Variants in NEXMIF observed in about 807,000 individuals in gnomAD.
NEXMIF encodes the protein neurite extension and migration factor.
A neutral mutation model predicts 62.1 loss-of-function variants in NEXMIF; 8 were observed. The ratio of observed to expected loss-of-function variants is 0.13; its 90% CI spans 0.08 to 0.23. The LOEUF (loss-of-function observed/expected upper bound fraction) is 0.23, where lower values mean the gene tolerates loss of function less well. NEXMIF is among the 10% of genes least tolerant of loss of function. NEXMIF has a pLI of 1.00. For synonymous variants in NEXMIF, 404 were observed against 416.6 expected (o/e 0.97, Z 0.37); for missense variants, 976 against 1,113.3 (o/e 0.88, Z 1.75).
At chrX:74,878,328 A>T (rs903710541) in intron 1 of NEXMIF, among the ~76,000 whole-genome samples, 2 of 112,042 alleles carry the variant, frequency 1.8e-5, no homozygotes, top group African/African-American at 6.5e-5. Flanking sequence ...GACCCACTTG[A>T]GGAGGCAGTC....
At chrX:74,894,985 A>G (rs1430170214) in intron 1 of NEXMIF, among the ~76,000 whole-genome samples, 2 of 112,268 alleles carry the variant, frequency 1.8e-5, no homozygotes, top group African/African-American at 6.5e-5. Flanking sequence ...GAGCAATCAG[A>G]CAAGAGAAAG....
At chrX:74,765,631 C>A (rs1318773667) in intron 1 of NEXMIF, among the ~76,000 whole-genome samples, 1 of 110,755 alleles carries the variant, frequency 9.0e-6, no homozygotes. Context: ...TTGTAATAAA[C>A]TTCCTCTGCA....
chrX:74,874,667 C>G (rs377492565), intron 1 of NEXMIF, among the ~76,000 whole-genome samples: 1 of 90,644 alleles, frequency 1.1e-5, no homozygotes, highest in Non-Finnish European at 2.1e-5. Flanking sequence ...CTTTTATTTC[C>G]TTGAGCAGTG....
chrX:74,796,181 A>AT, intron 1 of NEXMIF, among the ~76,000 whole-genome samples: 1 of 72,396 alleles, frequency 1.4e-5, no homozygotes, highest in South Asian at 5.4e-4. Context: ...TTATATATAT[A>AT]CATATATATT....
At chrX:74,888,443 C>T (rs893169096) in intron 1 of NEXMIF, among the ~76,000 whole-genome samples, 2 of 109,299 alleles carry the variant, frequency 1.8e-5, no homozygotes, top group African/African-American at 3.3e-5. Context: ...AACACAGGAA[C>T]AGAAAACCAA....
Position 74,735,665 on chromosome X carries a change from C to G in NEXMIF, c.*3740G>C, listed in dbSNP as rs1487971600. 8.9e-6 allele frequency: 1 copy of G among 112,098 alleles called. No homozygotes were observed. 9.2% of individuals were successfully genotyped at this position (112,098 alleles called of 1,213,427 possible). A position where few individuals can be genotyped will look rare whatever the true frequency, so the allele number is the denominator to read the frequency against. On this transcript the variant is annotated 3_prime_UTR_variant, in exon 4 of 4. Coordinates refer to ENST00000055682, the MANE Select transcript of NEXMIF (RefSeq NM_001008537.3). Reference sequence around the variant, plus strand: ...ACAAAAGCCCAGCTAGCACCAAGGACTTCAGTGAGATGGCTGAAGAAGTGA... The same window carrying G: ...ACAAAAGCCCAGCTAGCACCAAGGAGTTCAGTGAGATGGCTGAAGAAGTGA...
At chrX:74,862,352 G>A (rs764261576) in intron 1 of NEXMIF, among the ~76,000 whole-genome samples, 1 of 109,879 alleles carries the variant, frequency 9.1e-6, no homozygotes, top group African/African-American at 3.3e-5. Flanking sequence ...AGTTCTTAGA[G>A]ACCTACAAAG....
intron 1 of NEXMIF, among the ~76,000 whole-genome samples, chrX:74,846,879 G>A (rs1198499499): frequency 8.9e-6 from 1 of 112,197 alleles, no homozygotes; most frequent in Non-Finnish European, 1.9e-5. Flanking sequence ...CCTCAGAACT[G>A]TTGGAGGCAA....
intron 1 of NEXMIF, among the ~76,000 whole-genome samples, chrX:74,919,833 T>A (rs1182965100): frequency 9.0e-6 from 1 of 110,635 alleles, no homozygotes; most frequent in Non-Finnish European, 1.9e-5. Context: ...TGTCCATGTG[T>A]TCTCATTGTT....
chrX:74,739,492 G>T lies in NEXMIF; in HGVS notation c.4464C>A (p.Ser1488=), dbSNP rs189355247. ...TTTCTGCTTTTAGGAGATTGTAGTC[G>T]GAATCCCTGCAGAAAAATCAAACAA... ...GTASFEKLRD[S]DYNLLKAETT... is the part of the protein sequence containing the mutation. Residue 1488 remains serine (S), a synonymous_variant, in exon 4 of 4, where the codon TCC becomes TCA. Coordinates refer to ENST00000055682, the MANE Select transcript of NEXMIF (RefSeq NM_001008537.3). The T allele has an allele frequency of 1.9e-5, 23 of 1,181,424 alleles. No individual in the cohort carries two copies. The East Asian group carries it at 5.7e-4, about 29-fold the overall frequency.
intron 1 of NEXMIF, among the ~76,000 whole-genome samples, chrX:74,820,285 T>G (rs771363201): frequency 9.1e-6 from 1 of 109,907 alleles, no homozygotes; most frequent in Non-Finnish European, 1.9e-5. Context: ...TGTATACCTA[T>G]GTATCAAACC....
intron 1 of NEXMIF, among the ~76,000 whole-genome samples, chrX:74,852,338 A>C (rs1477665233): frequency 1.8e-5 from 2 of 111,835 alleles, no homozygotes. Flanking sequence ...TTTAGATCTA[A>C]AGGGAGAGAT....
intron 1 of NEXMIF, among the ~76,000 whole-genome samples, chrX:74,789,585 C>T (rs1300873898): frequency 9.2e-4 from 102 of 111,169 alleles, no homozygotes; most frequent in Non-Finnish European, 1.3e-3. Context: ...GTTTACAGTC[C>T]CACCAACAGT....
At chrX:74,796,113 T>TTATATATATATTTATATATAATA (rs1326375842) in intron 1 of NEXMIF, among the ~76,000 whole-genome samples, 15 of 80,279 alleles carry the variant, frequency 1.9e-4, no homozygotes, top group African/African-American at 6.6e-4. Flanking sequence ...TTTATATATA[T>TTATATATATATTTATATATAATA]TATATATATA....
intron 1 of NEXMIF, among the ~76,000 whole-genome samples, chrX:74,914,901 T>C (rs1460329429): frequency 8.9e-6 from 1 of 111,982 alleles, no homozygotes; most frequent in East Asian, 2.8e-4. Context: ...GGAATAGATC[T>C]CAGGGCATTA....
rs779349188 is a variant in NEXMIF at position 74,742,339 on chromosome X, T to A, written c.2218A>T (p.Ser740Cys). ...SKKVKAAGQE[S>C]KPIVQMSPLL... ...GGGCTCATTTGAACAATTGGCTTGC[T>A]TTCTTGCCCAGCAGCTTTGACTTTC... is the stretch of plus-strand genomic sequence containing the variant. Residue 740 changes from serine to cysteine, a missense_variant, in exon 3 of 4, where the codon AGC (serine) becomes TGC (cysteine). Physicochemically the swap from Ser to Cys is moderately radical, Grantham distance 112. Transcript: ENST00000055682. The A allele has an allele frequency of 8.3e-7, 1 of 1,209,753 alleles. No homozygotes were observed. The highest frequency in any genetic ancestry group is 2.2e-5 in the Admixed American group (1 of 45,750).
intron 1 of NEXMIF, among the ~76,000 whole-genome samples, chrX:74,850,300 C>G (rs2080508316): frequency 8.9e-6 from 1 of 112,029 alleles, no homozygotes; most frequent in African/African-American, 3.2e-5. Flanking sequence ...ATTTTGGGGC[C>G]AAAGAGTTGT....
At chrX:74,881,240 G>C (rs762069275) in intron 1 of NEXMIF, among the ~76,000 whole-genome samples, 46 of 111,076 alleles carry the variant, frequency 4.1e-4, no homozygotes, top group Admixed American at 4.8e-4. Context: ...TACAACCTTT[G>C]GGGAGCCTGG....
chrX:74,923,438 G>T (rs1007929232), intron 1 of NEXMIF, among the ~76,000 whole-genome samples: 1 of 111,898 alleles, frequency 8.9e-6, no homozygotes, highest in African/African-American at 3.2e-5. Context: ...TTGATTAGCC[G>T]GTTTCCCAGT....
Sources: allele counts gnomAD v4.1 joint callset (sites outside exome capture counted in the v4.1 genomes callset), GRCh38; gene constraint gnomAD v4.1.1; transcripts MANE v1.5; gene names NCBI Gene and HGNC (gene_info 2026-07-23, HGNC 2026-07-21).